MAP2: variants seen among roughly 807,000 people sequenced by gnomAD.
The protein encoded by MAP2 is microtubule-associated protein 2.
MAP2 carries 14 observed loss-of-function variants against 137.6 expected under a neutral mutation model. The observed-to-expected ratio is 0.10, with a 90% CI of 0.07 to 0.16. The LOEUF (loss-of-function observed/expected upper bound fraction) is 0.16, where lower values mean the gene tolerates loss of function less well. Among genes scored for constraint, MAP2 ranks in the 10% least tolerant of loss-of-function variants. The pLI, the probability that MAP2 is intolerant of heterozygous loss-of-function variation, is 1.00. For missense variants in MAP2, 2,088 were observed against 2,191.5 expected (o/e 0.95, Z 0.94); for synonymous variants, 786 against 782.3 (o/e 1.00, Z -0.08).
intron 4 of MAP2, among the ~76,000 whole-genome samples, chr2:209,643,740 A>T (rs767717051): frequency 7.9e-5 from 12 of 152,196 alleles, no homozygotes; most frequent in Non-Finnish European, 1.5e-4. Context: ...TTCTTGGAAG[A>T]TACTACAAGT....
At chr2:209,649,209 G>GA (rs2094613862) in intron 4 of MAP2, among the ~76,000 whole-genome samples, 1 of 151,674 alleles carries the variant, frequency 6.6e-6, no homozygotes, top group African/African-American at 2.4e-5. Context: ...AGAGATGGGG[G>GA]TCTCACTATG....
intron 4 of MAP2, among the ~76,000 whole-genome samples, chr2:209,652,523 G>A (rs1236791027): frequency 6.6e-6 from 1 of 152,044 alleles, no homozygotes; most frequent in Non-Finnish European, 1.5e-5. Context: ...TGCACAACGT[G>A]CAGGTTTGTT....
intron 5 of MAP2, among the ~76,000 whole-genome samples, chr2:209,658,231 G>T (rs1201728889): frequency 6.6e-6 from 1 of 151,834 alleles, no homozygotes; most frequent in Non-Finnish European, 1.5e-5. Context: ...AATTTTAAGG[G>T]CACAGAAAAG....
chr2:209,603,070 A>T (rs1335910347), intron 3 of MAP2, among the ~76,000 whole-genome samples: 1 of 152,268 alleles, frequency 6.6e-6, no homozygotes, highest in East Asian at 1.9e-4. Flanking sequence ...AAGAAAGAGG[A>T]TTGCCAGCTG....
intron 5 of MAP2, 118 bp downstream of exon 5, chr2:209,653,550 C>T: frequency 9.7e-7 from 1 of 1,032,464 alleles, no homozygotes. Context: ...ACTGAAATTC[C>T]AGTCAGTCAG....
intron 1 of MAP2, among the ~76,000 whole-genome samples, chr2:209,489,511 T>A (rs1304984283): frequency 6.6e-6 from 1 of 152,194 alleles, no homozygotes; most frequent in East Asian, 1.9e-4. Flanking sequence ...AGGGAGCATG[T>A]TCTAACCCAA....
At chr2:209,701,900 T>A (rs1012730555) in intron 11 of MAP2, among the ~76,000 whole-genome samples, 4 of 152,088 alleles carry the variant, frequency 2.6e-5, no homozygotes, top group Non-Finnish European at 5.9e-5. Flanking sequence ...GAACATCTAT[T>A]AGTTATATGA....
chr2:209,477,627 A>ACCTCT (rs1707620662), intron 1 of MAP2, among the ~76,000 whole-genome samples: 1 of 151,494 alleles, frequency 6.6e-6, no homozygotes, highest in African/African-American at 2.4e-5. Context: ...TCTTCCCCCT[A>ACCTCT]CCTCTCTCTC....
In MAP2 at chr2:209,731,357, T is replaced by A. The variant is rs1453411645; in HGVS notation, c.*960T>A. 3 of 152,654 alleles carry A rather than the reference T, an allele frequency of 2.0e-5. No individual in the cohort carries two copies. Among genetic ancestry groups the A allele is most frequent in the African/African-American group, 2.4e-5 (1 of 41,546 alleles). The allele number at this position is 152,654 out of a possible 1,614,324, so 9.5% of individuals were successfully genotyped here. The stretch of plus-strand genomic sequence containing the variant: ...AAAATACATTAAAAAAGACAAAAAA[T>A]TTTAGCATGAAGTTGCTTTCTGTAA... On this transcript the variant is annotated 3_prime_UTR_variant, in exon 16 of 16. Transcript: ENST00000682079.
chr2:209,469,484 A>G (rs1400969733), intron 1 of MAP2, among the ~76,000 whole-genome samples: 2 of 152,218 alleles, frequency 1.3e-5, no homozygotes, highest in Non-Finnish European at 2.9e-5. Context: ...ATACTCAAGT[A>G]AGTATATGCA....
intron 1 of MAP2, among the ~76,000 whole-genome samples, chr2:209,485,707 G>C (rs899199390): frequency 2.6e-5 from 4 of 152,198 alleles, no homozygotes; most frequent in African/African-American, 9.6e-5. Flanking sequence ...GTTAGTTTTA[G>C]TGTTGGCACC....
chr2:209,484,921 C>G (rs1286299812), intron 1 of MAP2, among the ~76,000 whole-genome samples: 2 of 152,152 alleles, frequency 1.3e-5, no homozygotes, highest in African/African-American at 4.8e-5. Context: ...CTTAAATGTG[C>G]TATCTCTGGT....
intron 5 of MAP2, among the ~76,000 whole-genome samples, chr2:209,676,652 AG>A (rs762685472): frequency 4.7e-5 from 7 of 148,934 alleles, no homozygotes; most frequent in South Asian, 2.1e-4. Flanking sequence ...TAAATGCCAT[AG>A]GAAGACACTA....
At chr2:209,481,548 A>G (rs1234717259) in intron 1 of MAP2, among the ~76,000 whole-genome samples, 4 of 152,300 alleles carry the variant, frequency 2.6e-5, no homozygotes, top group Non-Finnish European at 4.4e-5. Context: ...GGATTGACCT[A>G]TACTATCCTA....
chr2:209,676,155 T>C (rs1164831320), intron 5 of MAP2, among the ~76,000 whole-genome samples: 2 of 151,860 alleles, frequency 1.3e-5, no homozygotes, highest in East Asian at 1.9e-4. Context: ...CCATCAATGA[T>C]AGATTGGATA....
At chr2:209,480,337 G>A (rs994624489) in intron 1 of MAP2, among the ~76,000 whole-genome samples, 4 of 152,144 alleles carry the variant, frequency 2.6e-5, no homozygotes, top group Middle Eastern at 3.4e-3. Flanking sequence ...GAAACTATTA[G>A]GTTCTAGTTT....
chr2:209,463,366 T>TC (rs1703336630), intron 1 of MAP2, among the ~76,000 whole-genome samples: 1 of 152,204 alleles, frequency 6.6e-6, no homozygotes, highest in African/African-American at 2.4e-5. Context: ...ATGAAAGTGT[T>TC]CCTTTGGAGA....
intron 10 of MAP2, among the ~76,000 whole-genome samples, chr2:209,698,823 A>G (rs2060965658): frequency 6.6e-6 from 1 of 152,226 alleles, no homozygotes; most frequent in African/African-American, 2.4e-5. Context: ...ACTTAGTAGC[A>G]AAATTGCTTG....
chr2:209,613,750 T>C (rs1459445606), intron 3 of MAP2, among the ~76,000 whole-genome samples: 2 of 152,200 alleles, frequency 1.3e-5, no homozygotes, highest in African/African-American at 4.8e-5. Context: ...TTAACATAGC[T>C]CTAAAAAACA....
Sources: gnomAD v4.1 joint callset for allele counts (sites outside exome capture counted in the v4.1 genomes callset) on GRCh38, gnomAD v4.1.1 for gene constraint, MANE v1.5 for transcripts, NCBI Gene and HGNC (gene_info 2026-07-23, HGNC 2026-07-21) for gene names.